NCAPD2: variants seen among roughly 807,000 people sequenced by gnomAD.
The protein encoded by NCAPD2 is non-SMC condensin I complex subunit D2.
NCAPD2 carries 100 observed loss-of-function variants against 164.5 expected under a neutral mutation model. That is an observed-to-expected ratio of 0.61 (90% CI 0.52 to 0.72). The LOEUF (loss-of-function observed/expected upper bound fraction) is 0.72. NCAPD2 is among the 30% of genes least tolerant of loss of function. The pLI is 0.00. For missense variants in NCAPD2, 1,560 were observed against 1,749.2 expected (o/e 0.89, Z 1.93); for synonymous variants, 585 against 642.6 (o/e 0.91, Z 1.36).
chr12:6,496,733 C>G (rs1254747160), intron 2 of NCAPD2, among the ~76,000 whole-genome samples: 2 of 151,980 alleles, frequency 1.3e-5, no homozygotes, highest in Non-Finnish European at 2.9e-5. Context: ...TCACAGCTCA[C>G]TGCAGCCTCA....
Position 6,528,732 on chromosome 12 carries a change from A to C in NCAPD2, c.3353A>C (p.His1118Pro). ...AAAACAGCGGGGCTGGTGATGACCC[A>C]CCTGATCCTCAAGGACATGGTGAAG... ...VRKTAGLVMT[H>P]LILKDMVKVK... Residue 1118 changes from histidine to proline, a missense_variant, in exon 26 of 32, where the codon CAC (histidine) becomes CCC (proline). His to Pro is a moderately conservative substitution (Grantham distance 77). Transcript: ENST00000315579. The surrounding 1 kb of genome is among the most constrained non-coding windows in gnomAD (Gnocchi z 5.1). 6.2e-7 allele frequency: 1 copy of C among 1,614,086 alleles called. No individual in the cohort carries two copies. The highest frequency in any genetic ancestry group is 8.5e-7 in the Non-Finnish European group (1 of 1,179,972).
chr12:6,516,144 C>G (rs867197915), intron 9 of NCAPD2, among the ~76,000 whole-genome samples: 1 of 149,450 alleles, frequency 6.7e-6, no homozygotes, highest in African/African-American at 2.5e-5. Flanking sequence ...TACAGTGAGC[C>G]GAGATCGCAC....
chr12:6,502,742 A>G (rs1233979416), intron 2 of NCAPD2, among the ~76,000 whole-genome samples: 1 of 152,034 alleles, frequency 6.6e-6, no homozygotes, highest in Non-Finnish European at 1.5e-5. Context: ...TGAACCCAGA[A>G]GTTTGAGGCT....
rs758912564 is a variant in NCAPD2 at position 6,527,893 on chromosome 12, GA to G, written c.3019+10del. The G allele has an allele frequency of 9.3e-6, 15 of 1,613,526 alleles. No individual in the cohort carries two copies. Among genetic ancestry groups the G allele is most frequent in the Non-Finnish European group, 1.3e-5 (15 of 1,179,568 alleles). ...GCGAGATGGAACTGTTGGATGGTAA[GA>G]AAAATGGCTGCACTCAGCAGTTTCT... On this transcript the variant is annotated splice_donor_region_variant and intron_variant, in intron 23 of 31. Transcript: ENST00000315579.
intron 4 of NCAPD2, 133 bp from the exon 5 acceptor site, chr12:6,510,496 A>G (rs776082420): frequency 2.9e-6 from 3 of 1,051,508 alleles, no homozygotes; most frequent in African/African-American, 3.1e-5. Context: ...TAAAGGACTT[A>G]GCTTGTGTTA....
chr12:6,510,275 G>A (rs751941705), intron 4 of NCAPD2, 142 bp downstream of exon 4: 1 of 962,114 alleles, frequency 1.0e-6, no homozygotes, highest in African/African-American at 1.6e-5. Flanking sequence ...CTAAGCCCAG[G>A]GACCTTTGGC....
rs370991665 is a variant in NCAPD2 at position 6,526,527 on chromosome 12, C to T, written c.2646C>T (p.Pro882=). 8.7e-6 allele frequency: 14 copies of T among 1,613,988 alleles called. No homozygotes were observed. The highest frequency in any genetic ancestry group is 1.2e-5 in the Non-Finnish European group (14 of 1,180,038). ...VTLIYQLAEG[P]EVICAQILQG... is the part of the protein sequence containing the mutation. Reference sequence around the variant, plus strand: ...TCATTTACCAACTGGCAGAGGGCCCCGAAGTGATCTGTGCCCAGATATTGC... The same window carrying T: ...TCATTTACCAACTGGCAGAGGGCCCTGAAGTGATCTGTGCCCAGATATTGC... Residue 882 remains proline (P), a synonymous_variant, in exon 21 of 32, where the codon CCC becomes CCT. Coordinates refer to ENST00000315579, the MANE Select transcript of NCAPD2 (RefSeq NM_014865.4).
chr12:6,528,818 G>A lies in NCAPD2; in HGVS notation c.3439G>A (p.Ala1147Thr). The change falls in exon 26 of 32, where the codon GCC becomes ACC. Residue 1147 changes from alanine (A) to threonine (T), a missense_variant. Ala to Thr is a moderately conservative substitution (Grantham distance 58). Coordinates refer to ENST00000315579, the MANE Select transcript of NCAPD2 (RefSeq NM_014865.4). The surrounding 1 kb of genome is among the most constrained non-coding windows in gnomAD (Gnocchi z 5.1). ...CATCGACCCCGAGCCTCAGATTGCTGCCCTGGCCAAGAACTTCTTCAATGA... is the reference window on the plus strand; with the variant it reads ...CATCGACCCCGAGCCTCAGATTGCTACCCTGGCCAAGAACTTCTTCAATGA... ...LLIDPEPQIAALAKNFFNELS... is the reference protein window; with the variant it reads ...LLIDPEPQIATLAKNFFNELS... The A allele has an allele frequency of 6.2e-7, 1 of 1,614,034 alleles. No individual in the cohort carries two copies. The highest frequency in any genetic ancestry group is 1.1e-5 in the South Asian group (1 of 91,082).
At chr12:6,504,182 C>CATATATATATAT (rs1176237960) in intron 2 of NCAPD2, among the ~76,000 whole-genome samples, 26 of 57,698 alleles carry the variant, frequency 4.5e-4, no homozygotes, top group Non-Finnish European at 6.0e-4. Flanking sequence ...TATATATATA[C>CATATATATATAT]ATATATATAT....
intron 2 of NCAPD2, among the ~76,000 whole-genome samples, chr12:6,501,914 A>G (rs779467268): frequency 6.6e-6 from 1 of 152,216 alleles, no homozygotes; most frequent in Non-Finnish European, 1.5e-5. Context: ...GTCACTGGTA[A>G]CCTTGACAAA....
At position 6,521,843 on chromosome 12, in the gene NCAPD2, G is replaced by A. The variant is rs1477372094; in HGVS notation, c.1760G>A (p.Gly587Glu). Residue 587 changes from glycine (G) to glutamate (E), a missense_variant, in exon 15 of 32, where the codon GGA becomes GAA. Transcript: ENST00000315579. ...GAAAAGAATCCCCGGGAGTCTACAG[G>A]AAACATGGTCACAGGACAGACTGTC... Reference protein sequence around the residue: ...TQEKNPRESTGNMVTGQTVCK... With the variant: ...TQEKNPRESTENMVTGQTVCK... 8 of 1,614,094 alleles carry A rather than the reference G, an allele frequency of 5.0e-6. No homozygotes were observed. Among genetic ancestry groups the A allele is most frequent in the Non-Finnish European group, 5.9e-6 (7 of 1,179,994 alleles).
chr12:6,514,665 T>C (rs1946182786), intron 8 of NCAPD2, 78 bp downstream of exon 8: 15 of 1,608,822 alleles, frequency 9.3e-6, no homozygotes, highest in Non-Finnish European at 1.3e-5. Flanking sequence ...ATACATTATC[T>C]GTGCAACAGT....
chr12:6,497,960 G>T (rs988791044), intron 2 of NCAPD2, among the ~76,000 whole-genome samples: 8 of 144,846 alleles, frequency 5.5e-5, no homozygotes, highest in African/African-American at 2.1e-4. Context: ...TGGAGACAAG[G>T]TCTCATTTTG....
At chr12:6,529,330 C>A in intron 27 of NCAPD2, 183 bp from the exon 28 acceptor site, 2 of 641,726 alleles carry the variant, frequency 3.1e-6, no homozygotes, top group Non-Finnish European at 2.7e-6. Flanking sequence ...AATTCCTGAG[C>A]CGGGGGCGGG....
Position 6,526,891 on chromosome 12 carries a change from A to G in NCAPD2, c.2735A>G (p.Lys912Arg), listed in dbSNP as rs2137059996. ...CACCTTCCCTCTCCCTCTCCTCCAG[A>G]GGAGTCCCCCGCAATGCTCCCCACT... ...EEKRTSQEDP[K>R]ESPAMLPTFL... The change falls in exon 22 of 32, where the codon AAG becomes AGG. Residue 912 changes from lysine (K) to arginine (R), a missense_variant and splice_region_variant. Coordinates refer to ENST00000315579, the MANE Select transcript of NCAPD2 (RefSeq NM_014865.4). 6.2e-7 allele frequency: 1 copy of G among 1,608,094 alleles called. No homozygotes were observed. The highest frequency in any genetic ancestry group is 1.3e-5 in the African/African-American group (1 of 74,838).
chr12:6,504,204 T>TATAC (rs1946073007), intron 2 of NCAPD2, among the ~76,000 whole-genome samples: 1 of 22,616 alleles, frequency 4.4e-5, no homozygotes, highest in Non-Finnish European at 6.8e-5. Context: ...TATATATATA[T>TATAC]ATATATATAT....
intron 2 of NCAPD2, among the ~76,000 whole-genome samples, chr12:6,508,858 C>T (rs1173440627): frequency 2.0e-5 from 3 of 152,164 alleles, no homozygotes; most frequent in Non-Finnish European, 2.9e-5. Context: ...GACCAACCCT[C>T]CCTTCTGCTG....
Position 6,531,611 on chromosome 12 carries a change from GCCTGACCAA to G in NCAPD2, c.*201_*209del, listed in dbSNP as rs1946374941. On this transcript the variant is annotated 3_prime_UTR_variant, in exon 32 of 32. Coordinates refer to ENST00000315579, the MANE Select transcript of NCAPD2 (RefSeq NM_014865.4). This position sits in a 1 kb window ranked among gnomAD's most constrained non-coding sequence, Gnocchi z 4.1. ...ACCTGAGGTAGGGAGTTCGAGACCA[GCCTGACCAA>G]CATGGAGAAACCCCATCTCTACTAA... 9.5e-7 allele frequency: 1 copy of G among 1,050,586 alleles called. No individual in the cohort carries two copies. The highest frequency in any genetic ancestry group is 2.5e-5 in the Admixed American group (1 of 39,554). 65.1% of individuals were successfully genotyped at this position (1,050,586 alleles called of 1,614,324 possible). A position where few individuals can be genotyped will look rare whatever the true frequency, so the allele number is the denominator to read the frequency against.
At chr12:6,510,952 T>A in intron 5 of NCAPD2, 142 bp downstream of exon 5, 1 of 1,298,660 alleles carries the variant, frequency 7.7e-7, no homozygotes, top group Non-Finnish European at 1.1e-6. Context: ...TGTCACACGT[T>A]TTCTTCCTGG....
Sources: allele counts gnomAD v4.1 joint callset (sites outside exome capture counted in the v4.1 genomes callset), GRCh38; gene constraint gnomAD v4.1.1; non-coding constraint Gnocchi (gnomAD v3.1); transcripts MANE v1.5; gene names NCBI Gene and HGNC (gene_info 2026-07-23, HGNC 2026-07-21).